The following FHIT variants were observed in gnomAD, a reference collection of about 807,000 sequenced individuals.
FHIT encodes fragile histidine triad diadenosine triphosphatase, also known as bis(5'-adenosyl)-triphosphatase.
FHIT carries 19 observed loss-of-function variants against 17.9 expected under a neutral mutation model. The observed-to-expected ratio is 1.06, with a 90% CI of 0.74 to 1.56. FHIT has a LOEUF of 1.56. Ranked by LOEUF, FHIT falls within the 40% of genes most tolerant of loss-of-function variation. The pLI is 0.00. For synonymous variants in FHIT, 81 were observed against 69.7 expected, an observed-to-expected ratio of 1.16 and a Z score of -0.81; for missense variants, 248 against 189.2, an observed-to-expected ratio of 1.31 and a Z score of -1.82.
intron 3 of FHIT, among the ~76,000 whole-genome samples, chr3:60,940,299 T>C (rs1286084402): frequency 6.6e-6 from 1 of 151,944 alleles, no homozygotes; most frequent in Non-Finnish European, 1.5e-5. Context: ...CTAAGTCCAA[T>C]GTTAACTAGC....
chr3:59,920,378 A>G (rs933988277), intron 8 of FHIT, among the ~76,000 whole-genome samples: 3 of 152,222 alleles, frequency 2.0e-5, no homozygotes, highest in Non-Finnish European at 4.4e-5. Flanking sequence ...CACAGTAATT[A>G]CTTCTCCTGA....
chr3:60,938,862 T>C (rs1708297893), intron 3 of FHIT, among the ~76,000 whole-genome samples: 1 of 152,218 alleles, frequency 6.6e-6, no homozygotes, highest in South Asian at 2.1e-4. Context: ...TGGGAAAGCC[T>C]TTCTTTCGTT....
intron 7 of FHIT, among the ~76,000 whole-genome samples, chr3:59,948,244 C>T (rs1321756854): frequency 6.6e-6 from 1 of 151,404 alleles, no homozygotes; most frequent in African/African-American, 2.4e-5. Context: ...GTAGATCACA[C>T]ATGTAATCCC....
chr3:60,549,317 T>C (rs780561652), intron 4 of FHIT, among the ~76,000 whole-genome samples: 1 of 152,268 alleles, frequency 6.6e-6, no homozygotes, highest in Non-Finnish European at 1.5e-5. Flanking sequence ...GATTAAATAA[T>C]AGAAATAACA....
chr3:60,644,852 T>C (rs1214439378), intron 4 of FHIT, among the ~76,000 whole-genome samples: 2 of 152,210 alleles, frequency 1.3e-5, no homozygotes, highest in African/African-American at 4.8e-5. Context: ...TCCACCTTAT[T>C]AGCCAGCATT....
At chr3:60,956,730 A>G (rs1709180909) in intron 3 of FHIT, among the ~76,000 whole-genome samples, 1 of 152,230 alleles carries the variant, frequency 6.6e-6, no homozygotes, top group Non-Finnish European at 1.5e-5. Flanking sequence ...TAAAACCAGA[A>G]GCTGGAAGAA....
chr3:60,164,116 G>A (rs1426898616), intron 5 of FHIT, among the ~76,000 whole-genome samples: 3 of 152,136 alleles, frequency 2.0e-5, no homozygotes, highest in African/African-American at 7.2e-5. Context: ...AACTTAAGTA[G>A]GTAGCTAGTG....
chr3:60,569,725 CTATATATATA>C (rs1219009137), intron 4 of FHIT, among the ~76,000 whole-genome samples: 4 of 39,120 alleles, frequency 1.0e-4, no homozygotes, highest in South Asian at 1.5e-3. Flanking sequence ...TTTATTAATA[CTATATATATA>C]TATATATATA....
intron 5 of FHIT, among the ~76,000 whole-genome samples, chr3:60,095,598 G>A (rs781162968): frequency 2.6e-5 from 4 of 152,280 alleles, no homozygotes; most frequent in Middle Eastern, 3.4e-3. Context: ...TTCACAAGAC[G>A]ACCAAGCATG....
chr3:60,629,990 G>A (rs531241445), intron 4 of FHIT, among the ~76,000 whole-genome samples: 2 of 152,300 alleles, frequency 1.3e-5, no homozygotes, highest in South Asian at 4.2e-4. Context: ...CCTTGCTCCT[G>A]TTCCTTTGTT....
At chr3:60,203,540 T>C (rs1703016318) in intron 5 of FHIT, among the ~76,000 whole-genome samples, 6 of 152,306 alleles carry the variant, frequency 3.9e-5, no homozygotes, top group South Asian at 4.1e-4. Context: ...TTGCAATTCA[T>C]AGTTTTGACA....
At chr3:60,997,420 T>TA (rs894448862) in intron 3 of FHIT, among the ~76,000 whole-genome samples, 55 of 149,758 alleles carry the variant, frequency 3.7e-4, no homozygotes, top group African/African-American at 1.0e-3. Flanking sequence ...TGACTTCTCT[T>TA]AAAAAAAAAA....
chr3:61,032,639 A>G (rs2033061865), intron 3 of FHIT, among the ~76,000 whole-genome samples: 1 of 152,214 alleles, frequency 6.6e-6, no homozygotes, highest in Non-Finnish European at 1.5e-5. Context: ...CTAAACAATC[A>G]GCTTTGGGGA....
intron 5 of FHIT, among the ~76,000 whole-genome samples, chr3:60,124,067 G>C (rs1705427190): frequency 1.5e-5 from 2 of 136,510 alleles, no homozygotes; most frequent in African/African-American, 2.7e-5. Flanking sequence ...CAGAGAGAGA[G>C]AGAGATACAA....
In FHIT at chr3:61,208,722, C is replaced by A. The variant is rs9840160; in HGVS notation, c.-212-8057G>T. Among the ~76,000 whole-genome samples, 1,347 of 151,926 alleles carry A rather than the reference C, an allele frequency of 8.9e-3. 21 individuals carry two copies. The highest frequency in any genetic ancestry group is 0.03 in the African/African-American group (1,256 of 41,460). ...AGCCTATGTGTGTCTCTGTACATGA[C>A]ATGGGTTTCCTGAATACAGCACACT... On this transcript the variant is annotated intron_variant, in intron 1 of 9. Coordinates refer to ENST00000492590, the MANE Select transcript of FHIT (RefSeq NM_002012.4).
At chr3:60,461,417 T>C (rs1358967771) in intron 5 of FHIT, among the ~76,000 whole-genome samples, 1 of 150,696 alleles carries the variant, frequency 6.6e-6, no homozygotes, top group East Asian at 2.0e-4. Flanking sequence ...ACTAAGTGAG[T>C]CAGCTAAATA....
At chr3:60,733,393 A>T (rs2107992916) in intron 4 of FHIT, among the ~76,000 whole-genome samples, 1 of 152,234 alleles carries the variant, frequency 6.6e-6, no homozygotes, top group Admixed American at 6.5e-5. Flanking sequence ...TTATTTCTAT[A>T]TTCCTGTGTA....
intron 5 of FHIT, among the ~76,000 whole-genome samples, chr3:60,083,090 G>A (rs1441754925): frequency 6.6e-6 from 1 of 152,094 alleles, no homozygotes; most frequent in Non-Finnish European, 1.5e-5. Context: ...GATTTTTATA[G>A]TTTAAGGTCT....
intron 7 of FHIT, among the ~76,000 whole-genome samples, chr3:59,929,369 T>G (rs1406030298): frequency 3.0e-5 from 4 of 133,146 alleles, no homozygotes; most frequent in South Asian, 2.7e-4. Flanking sequence ...TTTGGTTTTT[T>G]TTTTTTTTTT....
Sources: gnomAD v4.1 joint callset for allele counts (sites outside exome capture counted in the v4.1 genomes callset) on GRCh38, gnomAD v4.1.1 for gene constraint, MANE v1.5 for transcripts, NCBI Gene and HGNC (gene_info 2026-07-23, HGNC 2026-07-21) for gene names.